RBFOX1: variants seen among roughly 807,000 people sequenced by gnomAD.
RBFOX1 encodes RNA binding fox-1 homolog 1, also known as RNA binding protein fox-1 homolog 1.
Under a neutral mutation model 57.7 loss-of-function variants are expected in RBFOX1, and 8 were observed. That is an observed-to-expected ratio of 0.14 (90% CI 0.08 to 0.25). The LOEUF is 0.25. RBFOX1 is among the 10% of genes least tolerant of loss of function. The pLI, the probability that RBFOX1 is intolerant of heterozygous loss-of-function variation, is 1.00. For missense variants in RBFOX1, 611 were observed against 548.5 expected (o/e 1.11, Z -1.14); for synonymous variants, 326 against 222.4 (o/e 1.47, Z -4.15).
In RBFOX1 at chr16:6,898,524, A is replaced by C. The variant is rs11642041; in HGVS notation, c.-15-153533A>C. On this transcript the variant is annotated intron_variant, in intron 3 of 15. Coordinates refer to ENST00000550418, the MANE Select transcript of RBFOX1 (RefSeq NM_018723.4). ...ATTGCAACAAACTGAAAAACAAAGT[A>C]CAGACGCAAAGGAAACAGAACATGG... 3.9e-4 allele frequency among the ~76,000 whole-genome samples: 59 copies of C among 152,204 alleles called. 1 individual carries two copies. Among genetic ancestry groups the C allele is most frequent in the African/African-American group, 1.4e-3 (57 of 41,538 alleles).
chr16:6,532,339 GAGA>G (rs1028495413), intron 2 of RBFOX1, among the ~76,000 whole-genome samples: 1 of 152,112 alleles, frequency 6.6e-6, no homozygotes, highest in Non-Finnish European at 1.5e-5. Flanking sequence ...CCTTTTCATA[GAGA>G]AGGTCGATTT....
rs914168148 is a variant in RBFOX1 at position 7,668,733 on chromosome 16, A to T, written c.930+3765A>T. Reference sequence around the variant, plus strand: ...TTAATTTTCATAATGAAACATATCAAATCTTTTGATATGTTCACTATTATT... The same window carrying T: ...TTAATTTTCATAATGAAACATATCATATCTTTTGATATGTTCACTATTATT... On this transcript the variant is annotated intron_variant, in intron 13 of 15. Coordinates refer to ENST00000550418, the MANE Select transcript of RBFOX1 (RefSeq NM_018723.4). Among the ~76,000 whole-genome samples the T allele has an allele frequency of 3.3e-5, 5 of 152,214 alleles. No homozygotes were observed. The East Asian group carries it at 9.6e-4, about 29-fold the overall frequency.
intron 1 of RBFOX1, among the ~76,000 whole-genome samples, chr16:5,382,349 C>A (rs1018333917): frequency 2.0e-5 from 3 of 152,040 alleles, no homozygotes; most frequent in East Asian, 3.9e-4. Flanking sequence ...TTATGTATTA[C>A]CACTTGTTTG....
At chr16:6,676,398 C>T (rs141679735) in intron 3 of RBFOX1, among the ~76,000 whole-genome samples, 22 of 152,082 alleles carry the variant, frequency 1.4e-4, no homozygotes, top group African/African-American at 5.3e-4. Context: ...TGGGTCCTAG[C>T]CCAAGGTCAA....
In RBFOX1 at chr16:7,576,966, T is replaced by G. The variant is rs148219991; in HGVS notation, c.271-2811T>G. ...CCCTTAACTTCTGAAAAGTGACAGT[T>G]GCAGGATTCGAGCTCATTTCTGTGT... is the stretch of plus-strand genomic sequence containing the variant. On this transcript the variant is annotated intron_variant, in intron 5 of 15. Transcript: ENST00000550418. Among the ~76,000 whole-genome samples the G allele has an allele frequency of 4.9e-4, 74 of 152,300 alleles. 2 individuals carry two copies. Among genetic ancestry groups the G allele is most frequent in the African/African-American group, 1.6e-3 (65 of 41,556 alleles).
At position 7,686,798 on chromosome 16, in the gene RBFOX1, G is replaced by A. The variant is rs151154838; in HGVS notation, c.995+9960G>A. 2.6e-3 allele frequency among the ~76,000 whole-genome samples: 395 copies of A among 152,170 alleles called. 2 individuals are homozygous for A. The highest frequency in any genetic ancestry group is 9.3e-3 in the African/African-American group (385 of 41,546). ...TCACGGTTGGTTCTCTTTCACCTGAGCCTAGACAAGAAGTGCAGTGGGAAC... is the reference window on the plus strand; with the variant it reads ...TCACGGTTGGTTCTCTTTCACCTGAACCTAGACAAGAAGTGCAGTGGGAAC... On this transcript the variant is annotated intron_variant, in intron 14 of 15. Coordinates refer to ENST00000550418, the MANE Select transcript of RBFOX1 (RefSeq NM_018723.4).
intron 3 of RBFOX1, among the ~76,000 whole-genome samples, chr16:6,805,852 C>A (rs937261179): frequency 2.2e-4 from 34 of 152,282 alleles, no homozygotes; most frequent in African/African-American, 7.2e-4. Flanking sequence ...TTTCTCCTTA[C>A]AGTCACACTT....
chr16:5,270,212 CA>C, intron 1 of RBFOX1: 2 of 471,222 alleles, frequency 4.2e-6, no homozygotes, highest in Non-Finnish European at 7.8e-6. Context: ...TGAAAGGTGG[CA>C]AAAAGGGAGT....
intron 1 of RBFOX1, among the ~76,000 whole-genome samples, chr16:5,252,395 T>C (rs967031630): frequency 2.0e-5 from 3 of 152,224 alleles, no homozygotes; most frequent in African/African-American, 7.2e-5. Context: ...TTGTTGTTTA[T>C]CTGCAATTCA....
At chr16:7,507,682 A>G (rs1446727151) in intron 4 of RBFOX1, among the ~76,000 whole-genome samples, 21 of 144,046 alleles carry the variant, frequency 1.5e-4, no homozygotes, top group Non-Finnish European at 2.7e-4. Context: ...TTCTGCCTCA[A>G]CCTCCCAAGT....
intron 4 of RBFOX1, among the ~76,000 whole-genome samples, chr16:7,062,893 A>ATTTTTTTTTTTTTTTTT (rs1170936027): frequency 3.6e-4 from 17 of 47,280 alleles, no homozygotes; most frequent in Non-Finnish European, 4.2e-4. Context: ...AATGATCGCC[A>ATTTTTTTTTTTTTTTTT]TTTTTTTTTT....
At chr16:6,064,258 C>T (rs2095729263) in intron 1 of RBFOX1, among the ~76,000 whole-genome samples, 2 of 152,176 alleles carry the variant, frequency 1.3e-5, no homozygotes, top group African/African-American at 4.8e-5. Flanking sequence ...TATTCCATAT[C>T]TATAACTGTC....
chr16:7,458,100 T>C (rs1023814426), intron 4 of RBFOX1, among the ~76,000 whole-genome samples: 1 of 152,162 alleles, frequency 6.6e-6, no homozygotes, highest in Non-Finnish European at 1.5e-5. Context: ...CAAAGCTTCC[T>C]GTTCTTTGCC....
At chr16:5,738,914 A>G (rs12596497) in intron 3 of RBFOX1, among the ~76,000 whole-genome samples, 42,076 of 152,038 alleles carry the variant, frequency 0.28, 6,314 homozygotes, top group East Asian at 0.56. Flanking sequence ...AGATGGATGA[A>G]CTCAAAGCAA....
At chr16:6,068,652 A>T (rs1011741238) in intron 1 of RBFOX1, among the ~76,000 whole-genome samples, 2 of 152,190 alleles carry the variant, frequency 1.3e-5, no homozygotes, top group African/African-American at 4.8e-5. Context: ...TAGATTAAGT[A>T]AATTTACTGA....
intron 3 of RBFOX1, among the ~76,000 whole-genome samples, chr16:6,673,328 C>G (rs952501258): frequency 1.3e-5 from 2 of 152,196 alleles, no homozygotes; most frequent in Admixed American, 1.3e-4. Flanking sequence ...TGGCTCATGC[C>G]TGTAATCCCA....
intron 1 of RBFOX1, among the ~76,000 whole-genome samples, chr16:5,363,919 G>A (rs473724): frequency 2.0e-5 from 3 of 152,204 alleles, no homozygotes; most frequent in African/African-American, 7.2e-5. Flanking sequence ...CTGAGCTCTC[G>A]CCTGGAACCA....
At chr16:5,450,909 G>C (rs1273120235) in intron 1 of RBFOX1, among the ~76,000 whole-genome samples, 1 of 152,186 alleles carries the variant, frequency 6.6e-6, no homozygotes, top group Non-Finnish European at 1.5e-5. Flanking sequence ...TCTGTGACCT[G>C]GGCAAGCTCA....
At chr16:5,519,834 A>G (rs2151741705) in intron 2 of RBFOX1, among the ~76,000 whole-genome samples, 1 of 152,322 alleles carries the variant, frequency 6.6e-6, no homozygotes, top group South Asian at 2.1e-4. Flanking sequence ...AAACTTATCT[A>G]GAGGCTCATC....
Sources: allele counts gnomAD v4.1 joint callset (sites outside exome capture counted in the v4.1 genomes callset), GRCh38; gene constraint gnomAD v4.1.1; transcripts MANE v1.5; gene names NCBI Gene and HGNC (gene_info 2026-07-23, HGNC 2026-07-21).